The following DOCK2 variants were observed in gnomAD, a reference collection of about 807,000 sequenced individuals.
DOCK2 encodes dedicator of cytokinesis 2, also known as dedicator of cytokinesis protein 2.
Under a neutral mutation model 248.9 loss-of-function variants are expected in DOCK2, and 87 were observed. The ratio of observed to expected loss-of-function variants is 0.35; its 90% CI spans 0.29 to 0.42. The LOEUF is 0.42. DOCK2 is among the 10% of genes least tolerant of loss of function. The pLI is 1.00. For missense variants in DOCK2, 1,747 were observed against 2,300.2 expected (o/e 0.76, Z 4.92); for synonymous variants, 805 against 821.6 (o/e 0.98, Z 0.35).
intron 44 of DOCK2, among the ~76,000 whole-genome samples, chr5:170,060,570 C>A (rs1757294298): frequency 1.3e-5 from 2 of 152,294 alleles, no homozygotes; most frequent in South Asian, 2.1e-4. Flanking sequence ...TTCTTGTCTA[C>A]CTGCATTATT....
Position 169,712,216 on chromosome 5 carries a change from T to C in DOCK2, c.1652T>C (p.Val551Ala). 6.2e-7 allele frequency: 1 copy of C among 1,614,008 alleles called. No individual in the cohort carries two copies. Among genetic ancestry groups the C allele is most frequent in the Non-Finnish European group, 8.5e-7 (1 of 1,179,900 alleles). The part of the protein sequence containing the change: ...TLHDGFHDLV[V>A]LKGDSKKMED... ...CACGATGGATTCCATGACTTAGTTG[T>C]CCTCAAGGTACCATGAGTTGGAAGG... is the stretch of plus-strand genomic sequence containing the variant. The change falls in exon 17 of 52, where the codon GTC (valine) becomes GCC (alanine). Residue 551 changes from valine (V) to alanine (A), a missense_variant. Around this residue, in one of 4 missense-constraint regions of DOCK2, gnomAD observed 858 missense variants for 1,183.5 expected, o/e 0.72. Transcript: ENST00000520908.
intron 26 of DOCK2, among the ~76,000 whole-genome samples, chr5:169,809,356 G>A (rs1483343293): frequency 6.6e-6 from 1 of 152,180 alleles, no homozygotes; most frequent in Non-Finnish European, 1.5e-5. Context: ...GCTTAGTGCA[G>A]TGTCTCTTGC....
intron 29 of DOCK2, among the ~76,000 whole-genome samples, chr5:169,986,492 A>T (rs893525505): frequency 1.3e-5 from 2 of 152,256 alleles, no homozygotes; most frequent in African/African-American, 4.8e-5. Flanking sequence ...ACCCAAGTAT[A>T]GCTTAGATGT....
intron 27 of DOCK2, among the ~76,000 whole-genome samples, chr5:169,955,906 A>G (rs1376914064): frequency 2.0e-5 from 3 of 152,192 alleles, no homozygotes; most frequent in Non-Finnish European, 4.4e-5. Flanking sequence ...GTACTGCTCA[A>G]GTCAGAACAA....
intron 6 of DOCK2, among the ~76,000 whole-genome samples, chr5:169,675,188 A>T (rs1759262697): frequency 6.6e-6 from 1 of 152,192 alleles, no homozygotes; most frequent in African/African-American, 2.4e-5. Flanking sequence ...AAATGACAGA[A>T]TCTGAACTTA....
At chr5:169,641,325 C>A (rs1281132058) in intron 1 of DOCK2, among the ~76,000 whole-genome samples, 2 of 152,170 alleles carry the variant, frequency 1.3e-5, no homozygotes, top group Non-Finnish European at 2.9e-5. Context: ...GAGAAGGGAT[C>A]TTTTTCACAG....
intron 26 of DOCK2, among the ~76,000 whole-genome samples, chr5:169,839,674 T>C (rs1769821068): frequency 6.6e-6 from 1 of 152,218 alleles, no homozygotes; most frequent in Admixed American, 6.5e-5. Flanking sequence ...CAGAACCCAA[T>C]ACCTGTTACA....
chr5:170,057,746 T>G, intron 44 of DOCK2, 80 bp downstream of exon 44: 1 of 1,264,182 alleles, frequency 7.9e-7, no homozygotes, highest in East Asian at 2.5e-5. Flanking sequence ...CCCCTTTGAC[T>G]TTAAAAAGGA....
intron 32 of DOCK2, among the ~76,000 whole-genome samples, chr5:170,011,909 C>T (rs1044149739): frequency 1.3e-5 from 2 of 152,158 alleles, no homozygotes. Context: ...AATGAAGGAG[C>T]AGGTCTGGAC....
chr5:169,960,096 A>T (rs1561851737), intron 27 of DOCK2, among the ~76,000 whole-genome samples: 1 of 152,206 alleles, frequency 6.6e-6, no homozygotes, highest in Non-Finnish European at 1.5e-5. Context: ...CAGGTTGAGG[A>T]GCATTTTATG....
At chr5:170,009,796 G>C (rs1755213629) in intron 32 of DOCK2, among the ~76,000 whole-genome samples, 1 of 152,168 alleles carries the variant, frequency 6.6e-6, no homozygotes, top group Non-Finnish European at 1.5e-5. Flanking sequence ...GGGAAGCATA[G>C]AGCAGTGGAT....
At chr5:170,050,186 C>T (rs1756866465) in intron 40 of DOCK2, 70 bp from the exon 41 acceptor site, 7 of 1,577,292 alleles carry the variant, frequency 4.4e-6, no homozygotes, top group Non-Finnish European at 6.0e-6. Flanking sequence ...TTACAAGCTC[C>T]CCAGCTTTGC....
At chr5:169,896,506 A>AGCTAATAATATTACTTAAGAAGC (rs1773617581) in intron 27 of DOCK2, among the ~76,000 whole-genome samples, 4 of 152,076 alleles carry the variant, frequency 2.6e-5, no homozygotes, top group African/African-American at 9.7e-5. Context: ...ACTTAAGAAG[A>AGCTAATAATATTACTTAAGAAGC]TGTAGCTAAT....
At chr5:170,082,700 G>C in intron 51 of DOCK2, 96 bp from the exon 52 acceptor site, 1 of 1,479,520 alleles carries the variant, frequency 6.8e-7, no homozygotes, top group South Asian at 1.2e-5. Context: ...GCAGGGGTCA[G>C]TGTTGAGGCC....
rs772523661 is a variant in DOCK2 at position 170,042,075 on chromosome 5, C to T, written c.3819C>T (p.His1273=). 2 of 1,613,738 alleles carry T rather than the reference C, an allele frequency of 1.2e-6. No homozygotes were observed. Among genetic ancestry groups the T allele is most frequent in the East Asian group, 2.2e-5 (1 of 44,844 alleles). Reference sequence around the variant, plus strand: ...CAGGCCAGCAGCACCCCCAGACACACCGGCAGCTGAAGGAGACGCTCTACG... The same window carrying T: ...CAGGCCAGCAGCACCCCCAGACACATCGGCAGCTGAAGGAGACGCTCTACG... The part of the protein sequence containing the change: ...MQTGQQHPQT[H]RQLKETLYET... The change falls in exon 38 of 52, where the codon CAC becomes CAT. Residue 1273 remains histidine (H), a synonymous_variant. Coordinates refer to ENST00000520908, the MANE Select transcript of DOCK2 (RefSeq NM_004946.3).
At chr5:170,028,148 T>C (rs1251558101) in intron 34 of DOCK2, among the ~76,000 whole-genome samples, 200 bp downstream of exon 34, 1 of 152,206 alleles carries the variant, frequency 6.6e-6, no homozygotes, top group East Asian at 1.9e-4. Context: ...ACTGATAGAA[T>C]GGGCCAGGTG....
intron 33 of DOCK2, among the ~76,000 whole-genome samples, chr5:170,023,944 G>A (rs1475751329): frequency 1.3e-5 from 2 of 152,208 alleles, no homozygotes; most frequent in Non-Finnish European, 2.9e-5. Flanking sequence ...GATAAAAATA[G>A]CCAAGATATT....
intron 27 of DOCK2, chr5:169,875,216 C>T: frequency 2.2e-6 from 1 of 456,662 alleles, no homozygotes; most frequent in Non-Finnish European, 4.4e-6. Context: ...TTTGAACCAA[C>T]CATTCCCAGG....
intron 22 of DOCK2, among the ~76,000 whole-genome samples, chr5:169,725,273 C>T (rs956742389): frequency 6.6e-6 from 1 of 152,044 alleles, no homozygotes; most frequent in Admixed American, 6.5e-5. Context: ...ATTAACTTGG[C>T]GTCAGATCAG....
Sources: gnomAD v4.1 joint callset for allele counts (sites outside exome capture counted in the v4.1 genomes callset) on GRCh38, gnomAD v4.1.1 for gene constraint, gnomAD v4.1.1 regional missense constraint, MANE v1.5 for transcripts, NCBI Gene and HGNC (gene_info 2026-07-23, HGNC 2026-07-21) for gene names.